LMBR1: variants seen among roughly 807,000 people sequenced by gnomAD.
LMBR1 encodes limb development membrane protein 1.
Under a neutral mutation model 73.9 loss-of-function variants are expected in LMBR1, and 52 were observed. The observed-to-expected ratio is 0.70, with a 90% CI of 0.56 to 0.89. The LOEUF (loss-of-function observed/expected upper bound fraction) is 0.89, where lower values mean the gene tolerates loss of function less well. LMBR1 is among the 40% of genes least tolerant of loss of function. The pLI is 0.00. For synonymous variants in LMBR1, 215 were observed against 209.4 expected, an observed-to-expected ratio of 1.03 and a Z score of -0.23; for missense variants, 539 against 579.8, an observed-to-expected ratio of 0.93 and a Z score of 0.72.
intron 1 of LMBR1, among the ~76,000 whole-genome samples, chr7:156,839,745 G>T (rs1838307240): frequency 6.6e-6 from 1 of 152,138 alleles, no homozygotes; most frequent in African/African-American, 2.4e-5. Flanking sequence ...AGAAACAGAA[G>T]ACAGTACTGA....
intron 5 of LMBR1, among the ~76,000 whole-genome samples, chr7:156,791,016 C>T (rs1398061089): frequency 2.0e-5 from 3 of 152,128 alleles, no homozygotes; most frequent in Non-Finnish European, 4.4e-5. Context: ...AAAACTAGTG[C>T]TCTCAATTGG....
chr7:156,701,932 T>C (rs1301624176), intron 15 of LMBR1, among the ~76,000 whole-genome samples: 6 of 152,208 alleles, frequency 3.9e-5, no homozygotes, highest in Non-Finnish European at 8.8e-5. Flanking sequence ...TCCAACTCCA[T>C]CCATATCCAG....
intron 1 of LMBR1, among the ~76,000 whole-genome samples, chr7:156,849,086 G>C (rs1795903733): frequency 6.6e-6 from 1 of 152,024 alleles, no homozygotes; most frequent in Non-Finnish European, 1.5e-5. Context: ...ATTCACAATA[G>C]CAAAGACATG....
In LMBR1 at chr7:156,679,445, T is replaced by C. The variant is rs1042283855; in HGVS notation, c.*4633A>G. 2.6e-5 allele frequency: 4 copies of C among 152,216 alleles called. No homozygotes were observed. The highest frequency in any genetic ancestry group is 9.6e-5 in the African/African-American group (4 of 41,456). The allele number at this position is 152,216 out of a possible 1,614,324, so 9.4% of individuals were successfully genotyped here. ...CTCTGACTCTACTGTGGAGTCCATA[T>C]AGAACAACTGTGGATGACTTCAAGA... On this transcript the variant is annotated 3_prime_UTR_variant, in exon 17 of 17. Transcript: ENST00000353442.
At chr7:156,809,839 A>G (rs1458509146) in intron 4 of LMBR1, among the ~76,000 whole-genome samples, 1 of 152,208 alleles carries the variant, frequency 6.6e-6, no homozygotes, top group Non-Finnish European at 1.5e-5. Flanking sequence ...GAGCCATCAG[A>G]TTACATGCGT....
intron 5 of LMBR1, among the ~76,000 whole-genome samples, chr7:156,790,259 G>A (rs1828964956): frequency 6.6e-6 from 1 of 151,938 alleles, no homozygotes; most frequent in African/African-American, 2.4e-5. Flanking sequence ...TAACATAGTT[G>A]GTGCATTTAA....
intron 1 of LMBR1, among the ~76,000 whole-genome samples, chr7:156,840,467 G>A (rs1408696857): frequency 1.3e-5 from 2 of 151,952 alleles, no homozygotes; most frequent in Non-Finnish European, 2.9e-5. Flanking sequence ...TAATGGCTCT[G>A]GTGTGCTCAA....
chr7:156,845,979 C>A (rs866330067), intron 1 of LMBR1, among the ~76,000 whole-genome samples: 57 of 149,598 alleles, frequency 3.8e-4, no homozygotes, highest in African/African-American at 9.1e-4. Flanking sequence ...AAAAAAAAAA[C>A]AAAACAGGAA....
Position 156,885,164 on chromosome 7 carries a change from C to T in LMBR1, c.66+7764G>A, listed in dbSNP as rs190384436. Among the ~76,000 whole-genome samples the T allele has an allele frequency of 6.1e-3, 925 of 152,106 alleles. 10 individuals carry two copies. The highest frequency in any genetic ancestry group is 0.021 in the African/African-American group (883 of 41,502). ...GGTCAGGAGTTCAAGACCAGCTTGG[C>T]CAACATGGCAAAACCCCATCTCTAC... On this transcript the variant is annotated intron_variant, in intron 1 of 16. Coordinates refer to ENST00000353442, the MANE Select transcript of LMBR1 (RefSeq NM_022458.4).
Position 156,810,185 on chromosome 7 carries a change from G to A in LMBR1, c.320-13693C>T, listed in dbSNP as rs930241719. On this transcript the variant is annotated intron_variant, in intron 4 of 16. Transcript: ENST00000353442. ...GCTGCTTCCATTCGTGGCGAAAGGCGAAGGGGAGCTGGCATATGCAGAGAT... is the reference window on the plus strand; with the variant it reads ...GCTGCTTCCATTCGTGGCGAAAGGCAAAGGGGAGCTGGCATATGCAGAGAT... Among the ~76,000 whole-genome samples, 15 of 152,296 alleles carry A rather than the reference G, an allele frequency of 9.8e-5. 1 individual carries two copies. Among genetic ancestry groups the A allele is most frequent in the Admixed American group, 2.6e-4 (4 of 15,308 alleles).
chr7:156,674,010 A>G (rs7797375), downstream of LMBR1, among the ~76,000 whole-genome samples: 288 of 152,044 alleles, frequency 1.9e-3, 1 homozygote, highest in African/African-American at 6.6e-3. Flanking sequence ...TCCCCATCAC[A>G]TATCTAAATG....
intron 5 of LMBR1, among the ~76,000 whole-genome samples, chr7:156,787,929 A>G (rs1828445773): frequency 6.6e-6 from 1 of 152,154 alleles, no homozygotes; most frequent in Non-Finnish European, 1.5e-5. Context: ...GGTGCCCACC[A>G]CCACACCTGG....
chr7:156,888,403 C>G (rs1272710976), intron 1 of LMBR1, among the ~76,000 whole-genome samples: 2 of 128,786 alleles, frequency 1.6e-5, no homozygotes, highest in Non-Finnish European at 3.2e-5. Flanking sequence ...CAGCGAGACT[C>G]TGTCTCAAAA....
intron 1 of LMBR1, among the ~76,000 whole-genome samples, chr7:156,855,247 T>C (rs944017447): frequency 6.6e-6 from 1 of 152,170 alleles, no homozygotes; most frequent in Admixed American, 6.5e-5. Flanking sequence ...AGAAATCAAA[T>C]ATACTGTAAC....
chr7:156,680,403 A>AGAGAGAGAGAGAGAGAGTGT lies in LMBR1; in HGVS notation c.*3674_*3675insACACTCTCTCTCTCTCTCTC, dbSNP rs1343950098. 8.0e-6 allele frequency: 1 copy of AGAGAGAGAGAGAGAGAGTGT among 125,066 alleles called. No individual in the cohort carries two copies. The highest frequency in any genetic ancestry group is 3.1e-5 in the African/African-American group (1 of 32,558). The allele number at this position is 125,066 out of a possible 1,614,324, so 7.7% of individuals were successfully genotyped here. On this transcript the variant is annotated 3_prime_UTR_variant, in exon 17 of 17. Coordinates refer to ENST00000353442, the MANE Select transcript of LMBR1 (RefSeq NM_022458.4). ...GAGAGAGAGAGAGAGAGAGAGAGAG[A>AGAGAGAGAGAGAGAGAGTGT]GTGTGTGTGTGTGTGTGTGTGTAAT...
chr7:156,877,640 T>C (rs1441676901), intron 1 of LMBR1, among the ~76,000 whole-genome samples: 3 of 151,992 alleles, frequency 2.0e-5, no homozygotes, highest in Non-Finnish European at 2.9e-5. Flanking sequence ...TCCCAGCACG[T>C]TGGGAGGCCG....
chr7:156,884,465 G>A (rs899189700), intron 1 of LMBR1, among the ~76,000 whole-genome samples: 8 of 151,642 alleles, frequency 5.3e-5, no homozygotes, highest in African/African-American at 1.9e-4. Flanking sequence ...AGGAATGACT[G>A]TTGCTTCTTT....
In LMBR1 at chr7:156,679,683, C is replaced by T. The variant is rs1366202672; in HGVS notation, c.*4395G>A. On this transcript the variant is annotated 3_prime_UTR_variant, in exon 17 of 17. Transcript: ENST00000353442. ...AGACCCATAGCCCACACGTGACTCTCCACCTCCTCACACTCAGACACAACA... is the reference window on the plus strand; with the variant it reads ...AGACCCATAGCCCACACGTGACTCTTCACCTCCTCACACTCAGACACAACA... The T allele has an allele frequency of 6.6e-6, 1 of 151,824 alleles. No homozygotes were observed. The highest frequency in any genetic ancestry group is 1.5e-5 in the Non-Finnish European group (1 of 67,952). 9.4% of individuals were successfully genotyped at this position (151,824 alleles called of 1,614,324 possible). A position where few individuals can be genotyped will look rare whatever the true frequency, so the allele number is the denominator to read the frequency against.
chr7:156,686,464 A>G (rs10243052), intron 16 of LMBR1, among the ~76,000 whole-genome samples: 11,698 of 152,290 alleles, frequency 0.077, 645 homozygotes, highest in East Asian at 0.15. Context: ...ATCTCAGATC[A>G]TTCAAACATT....
Sources: allele counts gnomAD v4.1 joint callset (sites outside exome capture counted in the v4.1 genomes callset), GRCh38; gene constraint gnomAD v4.1.1; transcripts MANE v1.5; gene names NCBI Gene and HGNC (gene_info 2026-07-23, HGNC 2026-07-21).